ADARB2: variants seen among roughly 807,000 people sequenced by gnomAD.
ADARB2 encodes adenosine deaminase RNA specific B2 (inactive).
A neutral mutation model predicts 62.2 loss-of-function variants in ADARB2; 25 were observed. The observed-to-expected ratio is 0.40, with a 90% CI of 0.29 to 0.56. The LOEUF is 0.56. Ranked by LOEUF, ADARB2 falls within the 20% of genes least tolerant of loss-of-function variation. The pLI is 0.43. For missense variants in ADARB2, 1,071 were observed against 1,077.4 expected (o/e 0.99, Z 0.08); for synonymous variants, 572 against 500.8 (o/e 1.14, Z -1.90).
chr10:1,424,931 A>AT (rs776862090), intron 1 of ADARB2, among the ~76,000 whole-genome samples: 1 of 152,146 alleles, frequency 6.6e-6, no homozygotes, highest in African/African-American at 2.4e-5. Context: ...ATCAATTGTG[A>AT]TTTTTTTGTA....
In ADARB2 at chr10:1,249,869, A is replaced by G. The variant is rs1009872327; in HGVS notation, c.1193-7570T>C. ...GCTAGAAACAATGAGAGAGCTTAAT[A>G]TGGTGAAAGCGTTCCAAGTTAATAT... On this transcript the variant is annotated intron_variant, in intron 4 of 9. Transcript: ENST00000381312. Among the ~76,000 whole-genome samples the G allele has an allele frequency of 8.5e-5, 13 of 152,156 alleles. 1 individual carries two copies. Among genetic ancestry groups the G allele is most frequent in the South Asian group, 6.3e-4 (3 of 4,794 alleles).
rs551837477 is a variant in ADARB2, at chr10:1,264,035, C to T, written c.1192+6920G>A. 1.2e-4 allele frequency among the ~76,000 whole-genome samples: 18 copies of T among 152,102 alleles called. No individual in the cohort carries two copies. In the South Asian group the frequency reaches 3.3e-3, roughly 28 times the overall value. On this transcript the variant is annotated intron_variant, in intron 4 of 9. Transcript: ENST00000381312. ...AACCAAAGATTTAAAATCAATTGCC[C>T]ATCAGCGCTCCTTATTGTACTCAGC...
chr10:1,546,401 T>G (rs1188652625), intron 1 of ADARB2, among the ~76,000 whole-genome samples: 1 of 152,230 alleles, frequency 6.6e-6, no homozygotes, highest in Non-Finnish European at 1.5e-5. Context: ...GTGCTTCCGT[T>G]ACCACTGTTG....
intron 5 of ADARB2, among the ~76,000 whole-genome samples, chr10:1,234,592 C>G (rs1021336753): frequency 6.6e-6 from 1 of 152,000 alleles, no homozygotes; most frequent in Non-Finnish European, 1.5e-5. Flanking sequence ...AGGTGCACAC[C>G]ACCATGCGAG....
intron 1 of ADARB2, among the ~76,000 whole-genome samples, chr10:1,723,458 C>T (rs139433321): frequency 1.6e-3 from 237 of 152,320 alleles, no homozygotes; most frequent in African/African-American, 4.8e-3. Flanking sequence ...TCGCTTTCTT[C>T]GGTAGCCACT....
At chr10:1,653,606 A>C (rs550049049) in intron 1 of ADARB2, among the ~76,000 whole-genome samples, 17 of 89,032 alleles carry the variant, frequency 1.9e-4, no homozygotes, top group African/African-American at 4.0e-4. Context: ...GTCTCCACCC[A>C]ACGCCTTCTG....
chr10:1,271,229 C>T (rs557281271), intron 3 of ADARB2, among the ~76,000 whole-genome samples, 160 bp from the exon 4 acceptor site: 3 of 152,298 alleles, frequency 2.0e-5, no homozygotes, highest in African/African-American at 4.8e-5. Flanking sequence ...TGACCACACA[C>T]GGCCTCTCCC....
intron 1 of ADARB2, among the ~76,000 whole-genome samples, chr10:1,692,341 G>T (rs905500968): frequency 6.6e-6 from 1 of 152,220 alleles, no homozygotes; most frequent in South Asian, 2.1e-4. Context: ...AAAGCAGGAA[G>T]TGGTTTGAAG....
intron 7 of ADARB2, among the ~76,000 whole-genome samples, chr10:1,206,237 C>A (rs1158997237): frequency 6.6e-6 from 1 of 152,224 alleles, no homozygotes; most frequent in Non-Finnish European, 1.5e-5. Context: ...CCAGGTGCGT[C>A]TCTCCATTCC....
chr10:1,576,047 TCAGGGTCACAGGAGGGGGCC>T (rs1245825089), intron 1 of ADARB2, among the ~76,000 whole-genome samples: 4 of 15,220 alleles, frequency 2.6e-4, no homozygotes, highest in African/African-American at 8.5e-4. Flanking sequence ...GGCGGGGGGG[TCAGGGTCACAGGAGGGGGCC>T]CAGGGTCACA....
intron 1 of ADARB2, among the ~76,000 whole-genome samples, chr10:1,525,768 C>T (rs1269889498): frequency 6.6e-6 from 1 of 151,970 alleles, no homozygotes; most frequent in Non-Finnish European, 1.5e-5. Context: ...TGTGTATGCT[C>T]ATGTGCTTGT....
In ADARB2 at chr10:1,734,933, T is replaced by C. The variant is rs7895518; in HGVS notation, c.100+2118A>G. 1.5e-3 allele frequency among the ~76,000 whole-genome samples: 231 copies of C among 152,266 alleles called. 1 individual carries two copies. Among genetic ancestry groups the C allele is most frequent in the African/African-American group, 5.2e-3 (214 of 41,544 alleles). ...CAGCATCTGTAATAACTAGGTATCA[T>C]AGATGAAGTAATCAATTCCCAGGAA... On this transcript the variant is annotated intron_variant, in intron 1 of 9. Transcript: ENST00000381312.
chr10:1,642,899 T>G (rs1343579232), intron 1 of ADARB2, among the ~76,000 whole-genome samples: 3 of 152,192 alleles, frequency 2.0e-5, no homozygotes, highest in Non-Finnish European at 4.4e-5. Context: ...GCAGACGGCC[T>G]GCACACTGAC....
At chr10:1,311,945 A>C (rs2131823169) in intron 3 of ADARB2, among the ~76,000 whole-genome samples, 1 of 152,318 alleles carries the variant, frequency 6.6e-6, no homozygotes, top group South Asian at 2.1e-4. Context: ...TACTCACTGA[A>C]GTGAGCAGCC....
intron 3 of ADARB2, chr10:1,361,331 C>T (rs1226145903): frequency 6.6e-6 from 1 of 152,142 alleles, no homozygotes. Context: ...TAAGAAAAGA[C>T]CAAGCCAGGC....
chr10:1,215,964 G>T (rs1322079984), intron 7 of ADARB2: 1 of 151,830 alleles, frequency 6.6e-6, no homozygotes, highest in Non-Finnish European at 1.5e-5. Flanking sequence ...ATCCACGTTG[G>T]GGAGGCCTCA....
intron 1 of ADARB2, among the ~76,000 whole-genome samples, chr10:1,483,850 C>T (rs1399536882): frequency 6.6e-6 from 1 of 152,180 alleles, no homozygotes; most frequent in Non-Finnish European, 1.5e-5. Flanking sequence ...CTGGAATTAT[C>T]CCTCCAGTTT....
intron 3 of ADARB2, among the ~76,000 whole-genome samples, chr10:1,284,205 G>A (rs779438742): frequency 1.3e-5 from 2 of 152,130 alleles, no homozygotes; most frequent in Non-Finnish European, 2.9e-5. Flanking sequence ...AAGCTCAGAC[G>A]TTACCCAGGC....
intron 3 of ADARB2, among the ~76,000 whole-genome samples, chr10:1,288,982 C>T (rs755182091): frequency 1.4e-4 from 21 of 152,112 alleles, no homozygotes; most frequent in Admixed American, 1.1e-3. Context: ...AAGAGGGGGT[C>T]GGACATGCCT....
Sources: gnomAD v4.1 joint callset for allele counts (sites outside exome capture counted in the v4.1 genomes callset) on GRCh38, gnomAD v4.1.1 for gene constraint, MANE v1.5 for transcripts, NCBI Gene and HGNC (gene_info 2026-07-23, HGNC 2026-07-21) for gene names.